Variants in MMP16 observed in about 807,000 individuals in gnomAD.
MMP16 encodes matrix metalloproteinase-16.
Under a neutral mutation model 67.8 loss-of-function variants are expected in MMP16, and 12 were observed. That is an observed-to-expected ratio of 0.18 (90% confidence interval 0.11 to 0.29). The LOEUF (loss-of-function observed/expected upper bound fraction) is 0.29, where lower values mean the gene tolerates loss of function less well. MMP16 is among the 10% of genes least tolerant of loss of function. The pLI, the probability that MMP16 is intolerant of heterozygous loss-of-function variation, is 1.00. For synonymous variants in MMP16, 249 were observed against 255.9 expected, an observed-to-expected ratio of 0.97 and a Z score of 0.26; for missense variants, 475 against 765.7, an observed-to-expected ratio of 0.62 and a Z score of 4.48.
At position 88,099,416 on chromosome 8, in the gene MMP16, A is replaced by G. The variant is rs564796327; in HGVS notation, c.1083+17091T>C. On this transcript the variant is annotated intron_variant, in intron 6 of 9. Transcript: ENST00000286614. ...TACAATTTAAAACTATAAAAGTGAC[A>G]TAAAAGTATCATACATTTCAAAAAA... Among the ~76,000 whole-genome samples the G allele has an allele frequency of 2.2e-4, 33 of 152,028 alleles. 1 individual carries two copies. Among genetic ancestry groups the G allele is most frequent in the African/African-American group, 7.9e-4 (33 of 41,568 alleles).
intron 1 of MMP16, among the ~76,000 whole-genome samples, chr8:88,265,720 G>T (rs1000039823): frequency 3.9e-5 from 6 of 152,112 alleles, no homozygotes; most frequent in African/African-American, 1.4e-4. Context: ...TATTTAGCTA[G>T]TCCATGACTA....
Position 88,229,500 on chromosome 8 carries a change from A to G in MMP16, c.133-32194T>C, listed in dbSNP as rs527288647. 1.1e-4 allele frequency among the ~76,000 whole-genome samples: 17 copies of G among 152,220 alleles called. No individual in the cohort carries two copies. The South Asian group carries it at 3.3e-3, about 30-fold the overall frequency. On this transcript the variant is annotated intron_variant, in intron 1 of 9. Coordinates refer to ENST00000286614, the MANE Select transcript of MMP16 (RefSeq NM_005941.5). ...CAGGTTATAATTAGGTTACAGTGAA[A>G]TCTTAGCCAGGGTAAGACTATTATG...
chr8:88,228,330 AT>A (rs200464570), intron 1 of MMP16, among the ~76,000 whole-genome samples: 2 of 152,138 alleles, frequency 1.3e-5, no homozygotes, highest in East Asian at 3.9e-4. Flanking sequence ...ATGAAGAATT[AT>A]TTTTAACAGA....
intron 1 of MMP16, among the ~76,000 whole-genome samples, chr8:88,266,844 A>C (rs1810484840): frequency 6.6e-6 from 1 of 152,200 alleles, no homozygotes; most frequent in South Asian, 2.1e-4. Context: ...ATCATGCTGA[A>C]TCAGTAGCAA....
At chr8:88,135,700 C>T (rs571796631) in intron 4 of MMP16, among the ~76,000 whole-genome samples, 30 of 151,978 alleles carry the variant, frequency 2.0e-4, no homozygotes, top group African/African-American at 6.5e-4. Flanking sequence ...GACAAATTAA[C>T]AAACCAAACA....
intron 6 of MMP16, among the ~76,000 whole-genome samples, chr8:88,109,506 C>G (rs1391638132): frequency 6.6e-6 from 1 of 151,140 alleles, no homozygotes; most frequent in African/African-American, 2.4e-5. Flanking sequence ...ACATAGTTAA[C>G]TAAAAGTTTA....
intron 9 of MMP16, among the ~76,000 whole-genome samples, chr8:88,043,181 C>CA (rs1448077930): frequency 6.6e-6 from 1 of 152,122 alleles, no homozygotes; most frequent in African/African-American, 2.4e-5. Context: ...GGATCAGAGA[C>CA]AAAATAACAT....
chr8:88,279,220 C>CA (rs767410219), intron 1 of MMP16, among the ~76,000 whole-genome samples: 3,629 of 94,244 alleles, frequency 0.039, 70 homozygotes, highest in Middle Eastern at 0.075. Context: ...GACTCTGTCT[C>CA]AAAAAAAAAA....
intron 6 of MMP16, among the ~76,000 whole-genome samples, chr8:88,109,199 A>G (rs1809292682): frequency 6.6e-6 from 1 of 151,384 alleles, no homozygotes; most frequent in African/African-American, 2.4e-5. Context: ...TTTCATTTAT[A>G]TAGTCTTTAT....
intron 4 of MMP16, among the ~76,000 whole-genome samples, chr8:88,130,539 C>G (rs1009521218): frequency 4.6e-5 from 7 of 151,570 alleles, no homozygotes; most frequent in African/African-American, 1.7e-4. Flanking sequence ...TATTCTGTAA[C>G]TAAAATTCAT....
intron 4 of MMP16, among the ~76,000 whole-genome samples, chr8:88,119,612 A>T (rs765016688): frequency 6.6e-6 from 1 of 152,010 alleles, no homozygotes; most frequent in East Asian, 1.9e-4. Flanking sequence ...CTCTGCAGAG[A>T]TATTTGGTGT....
At chr8:88,231,793 C>A (rs1809862463) in intron 1 of MMP16, among the ~76,000 whole-genome samples, 1 of 152,054 alleles carries the variant, frequency 6.6e-6, no homozygotes, top group Non-Finnish European at 1.5e-5. Context: ...AAGTTGAAAA[C>A]AAGTTCTGTA....
At chr8:88,145,357 A>G (rs1385312788) in intron 4 of MMP16, among the ~76,000 whole-genome samples, 1 of 152,012 alleles carries the variant, frequency 6.6e-6, no homozygotes, top group Non-Finnish European at 1.5e-5. Context: ...GTACAGGAAA[A>G]AATGGTATTA....
chr8:88,252,883 A>T (rs1053357262), intron 1 of MMP16, among the ~76,000 whole-genome samples: 2 of 152,112 alleles, frequency 1.3e-5, no homozygotes, highest in Non-Finnish European at 2.9e-5. Flanking sequence ...AGATAACTAG[A>T]TTTATCTGAC....
At chr8:88,158,653 G>A (rs1808557799) in intron 4 of MMP16, among the ~76,000 whole-genome samples, 1 of 152,196 alleles carries the variant, frequency 6.6e-6, no homozygotes, top group Non-Finnish European at 1.5e-5. Flanking sequence ...TTGCTGTGCA[G>A]AAGCTCTTTA....
intron 7 of MMP16, among the ~76,000 whole-genome samples, chr8:88,060,655 T>C (rs1255629581): frequency 6.6e-6 from 1 of 152,084 alleles, no homozygotes; most frequent in Non-Finnish European, 1.5e-5. Context: ...ATTGCCAAAT[T>C]ACCGGCATTT....
At chr8:88,164,852 G>A (rs1017535531) in intron 4 of MMP16, among the ~76,000 whole-genome samples, 18 of 151,652 alleles carry the variant, frequency 1.2e-4, no homozygotes, top group Non-Finnish European at 1.5e-4. Flanking sequence ...AAAGTGCATT[G>A]ACGTGATTGT....
chr8:88,304,336 G>T (rs1169141533), intron 1 of MMP16, among the ~76,000 whole-genome samples: 1 of 152,186 alleles, frequency 6.6e-6, no homozygotes, highest in Non-Finnish European at 1.5e-5. Flanking sequence ...ATATATAAAA[G>T]AGAGGTGGAG....
intron 6 of MMP16, among the ~76,000 whole-genome samples, chr8:88,114,562 C>A (rs1193058531): frequency 1.3e-5 from 2 of 151,920 alleles, no homozygotes; most frequent in African/African-American, 4.8e-5. Flanking sequence ...GACACACAGA[C>A]ACATTTTATC....
Sources: allele counts gnomAD v4.1 joint callset (sites outside exome capture counted in the v4.1 genomes callset), GRCh38; gene constraint gnomAD v4.1.1; transcripts MANE v1.5; gene names NCBI Gene and HGNC (gene_info 2026-07-23, HGNC 2026-07-21).